NHSL2: variants seen among roughly 807,000 people sequenced by gnomAD.
NHSL2 encodes NHS like 2.
Under a neutral mutation model 53.4 loss-of-function variants are expected in NHSL2, and 27 were observed. The observed-to-expected ratio is 0.51, with a 90% CI of 0.37 to 0.70. NHSL2 has a LOEUF of 0.70. Among genes scored for constraint, NHSL2 ranks in the 30% least tolerant of loss-of-function variants. The pLI is 0.00. For synonymous variants in NHSL2, 408 were observed against 404.1 expected, an observed-to-expected ratio of 1.01 and a Z score of -0.12; for missense variants, 892 against 980.1, an observed-to-expected ratio of 0.91 and a Z score of 1.20.
intron 1 of NHSL2, among the ~76,000 whole-genome samples, chrX:72,073,708 G>C (rs2041718898): frequency 8.9e-6 from 1 of 112,407 alleles, no homozygotes; most frequent in Non-Finnish European, 1.9e-5. Context: ...CCAATAACAA[G>C]GAAGTTGTAG....
At chrX:71,928,799 A>G (rs1207535765) in intron 1 of NHSL2, among the ~76,000 whole-genome samples, 2 of 111,332 alleles carry the variant, frequency 1.8e-5, no homozygotes, top group African/African-American at 6.5e-5. Context: ...AGATAGGGAA[A>G]CTAAGGCCCG....
At chrX:72,132,030 G>A (rs746750896) in intron 1 of NHSL2, 49 bp from the exon 2 acceptor site, 3 of 1,151,915 alleles carry the variant, frequency 2.6e-6, no homozygotes, top group South Asian at 3.9e-5. Context: ...GCCGCGCGCC[G>A]CTCCCCTCCA....
At chrX:72,078,067 G>A (rs978025377) in intron 1 of NHSL2, among the ~76,000 whole-genome samples, 5 of 112,802 alleles carry the variant, frequency 4.4e-5, no homozygotes, top group African/African-American at 9.7e-5. Context: ...ATGAGAAACC[G>A]TAGACTACAT....
chrX:71,992,066 C>T (rs779463952), intron 1 of NHSL2, among the ~76,000 whole-genome samples: 21 of 112,833 alleles, frequency 1.9e-4, no homozygotes, highest in Non-Finnish European at 3.2e-4. Flanking sequence ...AAGGCACTTG[C>T]GTAGTCTGGA....
chrX:72,007,154 C>T (rs553986076), intron 1 of NHSL2, among the ~76,000 whole-genome samples: 6 of 111,809 alleles, frequency 5.4e-5, no homozygotes, highest in East Asian at 5.6e-4. Flanking sequence ...GAGGGAGCAG[C>T]GTGGAGAAGA....
intron 1 of NHSL2, among the ~76,000 whole-genome samples, chrX:71,950,378 G>A (rs901970045): frequency 2.7e-5 from 3 of 112,723 alleles, no homozygotes; most frequent in African/African-American, 6.4e-5. Flanking sequence ...GGCATCCCTC[G>A]CTCCCTGTTT....
At chrX:72,071,077 G>A (rs1215235902) in intron 1 of NHSL2, among the ~76,000 whole-genome samples, 1 of 111,302 alleles carries the variant, frequency 9.0e-6, no homozygotes, top group Non-Finnish European at 1.9e-5. Flanking sequence ...GGGGAGAGAA[G>A]CTACAGGAAA....
chrX:72,120,035 A>G (rs2042170010), intron 1 of NHSL2, among the ~76,000 whole-genome samples: 1 of 112,699 alleles, frequency 8.9e-6, no homozygotes, highest in South Asian at 3.6e-4. Flanking sequence ...TGTTAAAACA[A>G]TCTTGCATTC....
At chrX:72,020,407 C>T (rs901571683) in intron 1 of NHSL2, among the ~76,000 whole-genome samples, 5 of 112,947 alleles carry the variant, frequency 4.4e-5, no homozygotes, top group African/African-American at 1.6e-4. Flanking sequence ...GACTCTTTAA[C>T]CAGCTGCAGA....
chrX:71,938,142 C>G (rs777555151), intron 1 of NHSL2, among the ~76,000 whole-genome samples: 1 of 112,209 alleles, frequency 8.9e-6, no homozygotes, highest in Non-Finnish European at 1.9e-5. Context: ...GCCCACTTGC[C>G]CACTGTGGTA....
intron 1 of NHSL2, among the ~76,000 whole-genome samples, chrX:72,084,348 G>T (rs2041817009): frequency 8.9e-6 from 1 of 112,452 alleles, no homozygotes; most frequent in Admixed American, 9.4e-5. Flanking sequence ...CCAGCCTGGG[G>T]TCTGCAGGTC....
At chrX:71,932,633 C>G (rs1425049142) in intron 1 of NHSL2, among the ~76,000 whole-genome samples, 1 of 111,505 alleles carries the variant, frequency 9.0e-6, no homozygotes, top group Non-Finnish European at 1.9e-5. Context: ...CAGAGTCAGT[C>G]CTTGGTTCTT....
rs751335729 is a variant in NHSL2 at position 72,137,163 on chromosome X, A to C, written c.830A>C (p.Lys277Thr). ...AACACAGAGACAGCCGTGAACCCCA[A>C]GTCCACCCTGAGGCGGAGGCGGACC... ...LFNTETAVNP[K>T]STLRRRRTII... is the part of the protein sequence containing the mutation. Residue 277 changes from lysine to threonine, a missense_variant, in exon 5 of 8, where the codon AAG becomes ACG. Transcript: ENST00000633930. The C allele has an allele frequency of 4.8e-4, 554 of 1,163,823 alleles. No homozygotes were observed. The highest frequency in any genetic ancestry group is 6.0e-4 in the Non-Finnish European group (524 of 870,479).
chrX:72,098,559 T>C (rs1235667744), intron 1 of NHSL2, among the ~76,000 whole-genome samples: 5 of 92,095 alleles, frequency 5.4e-5, no homozygotes, highest in East Asian at 6.4e-4. Flanking sequence ...CCAGCCTGGG[T>C]GACAGAGCAA....
chrX:71,930,621 C>T (rs919140170), intron 1 of NHSL2, among the ~76,000 whole-genome samples: 7 of 112,411 alleles, frequency 6.2e-5, no homozygotes, highest in African/African-American at 1.9e-4. Flanking sequence ...TTGGAAATTT[C>T]GTATTAATGG....
intron 1 of NHSL2, among the ~76,000 whole-genome samples, chrX:72,055,147 C>T (rs1302269791): frequency 8.9e-6 from 1 of 111,870 alleles, no homozygotes; most frequent in East Asian, 2.8e-4. Flanking sequence ...CACCTCTCCT[C>T]AGCAACTACA....
chrX:72,069,652 A>T (rs1174479657), intron 1 of NHSL2: 2 of 933,991 alleles, frequency 2.1e-6, no homozygotes, highest in Non-Finnish European at 2.7e-6. Flanking sequence ...AGGAGGTGGC[A>T]GCGGCCGCCG....
At chrX:72,138,400 C>G in intron 5 of NHSL2, 41 bp from the exon 6 acceptor site, 1 of 1,042,067 alleles carries the variant, frequency 9.6e-7, no homozygotes. Context: ...GGTGGGAGAT[C>G]CCTTGCTGTA....
intron 1 of NHSL2, among the ~76,000 whole-genome samples, chrX:71,965,606 C>T (rs1285619266): frequency 1.8e-5 from 2 of 111,813 alleles, no homozygotes; most frequent in Non-Finnish European, 3.8e-5. Context: ...TTTACCTCTC[C>T]ATATAAACTT....
Sources: allele counts gnomAD v4.1 joint callset (sites outside exome capture counted in the v4.1 genomes callset), GRCh38; gene constraint gnomAD v4.1.1; transcripts MANE v1.5; gene names NCBI Gene and HGNC (gene_info 2026-07-23, HGNC 2026-07-21).